Variants in PRKAG2 observed in about 807,000 individuals in gnomAD.
The protein encoded by PRKAG2 is 5'-AMP-activated protein kinase subunit gamma-2.
PRKAG2 carries 26 observed loss-of-function variants against 69.6 expected under a neutral mutation model. That is an observed-to-expected ratio of 0.37 (90% CI 0.27 to 0.52). The LOEUF is 0.52. PRKAG2 is among the 20% of genes least tolerant of loss of function. The pLI is 0.90. For missense variants in PRKAG2, 557 were observed against 740.0 expected (o/e 0.75, Z 2.87); for synonymous variants, 293 against 285.0 (o/e 1.03, Z -0.28).
intron 3 of PRKAG2, among the ~76,000 whole-genome samples, chr7:151,730,217 C>T (rs931840667): frequency 3.9e-5 from 6 of 152,246 alleles, no homozygotes; most frequent in East Asian, 1.9e-4. Flanking sequence ...CGTGTGGCCC[C>T]GAGGGTGCAT....
Position 151,675,632 on chromosome 7 carries a change from C to G in PRKAG2, c.472G>C (p.Gly158Arg), listed in dbSNP as rs727504512. The change falls in exon 4 of 16, where the codon GGC becomes CGC. Residue 158 changes from glycine to arginine, a missense_variant. Transcript: ENST00000287878. Reference sequence around the variant, plus strand: ...GGTGTTGACGGAGAGGAGGAGAGGCCGGAGGCTGCAGAAGAAACACCAAGG... The same window carrying G: ...GGTGTTGACGGAGAGGAGGAGAGGCGGGAGGCTGCAGAAGAAACACCAAGG... ...RFFSRSRKTS[G>R]LSSSPSTPTQ... The G allele has an allele frequency of 1.2e-6, 2 of 1,612,888 alleles. No individual in the cohort carries two copies. Among genetic ancestry groups the G allele is most frequent in the Non-Finnish European group, 1.7e-6 (2 of 1,179,028 alleles).
intron 11 of PRKAG2, 22 bp downstream of exon 11, chr7:151,568,694 A>G: frequency 6.2e-7 from 1 of 1,612,176 alleles, no homozygotes; most frequent in Non-Finnish European, 8.5e-7. Context: ...TTATGTCTTT[A>G]GAAACGCTAA....
At chr7:151,760,283 C>T (rs2075337338) in intron 3 of PRKAG2, among the ~76,000 whole-genome samples, 1 of 152,160 alleles carries the variant, frequency 6.6e-6, no homozygotes, top group Admixed American at 6.5e-5. Flanking sequence ...TGTTCCCAGG[C>T]TAGAGTGCAA....
intron 3 of PRKAG2, among the ~76,000 whole-genome samples, chr7:151,733,861 A>G (rs1358833275): frequency 6.6e-6 from 1 of 151,866 alleles, no homozygotes; most frequent in East Asian, 1.9e-4. Flanking sequence ...ATGCCTGGCT[A>G]ATTTTTTATT....
At chr7:151,700,738 G>A (rs987058986) in intron 3 of PRKAG2, among the ~76,000 whole-genome samples, 3 of 142,690 alleles carry the variant, frequency 2.1e-5, no homozygotes, top group East Asian at 1.9e-4. Context: ...AGAAGCTGAC[G>A]GTAGCTTCCA....
At chr7:151,574,828 AC>A in intron 8 of PRKAG2, 62 bp downstream of exon 8, 1 of 1,609,186 alleles carries the variant, frequency 6.2e-7, no homozygotes. Flanking sequence ...ACACACATAT[AC>A]CTACACACAT....
At chr7:151,694,752 T>C (rs1476735318) in intron 3 of PRKAG2, among the ~76,000 whole-genome samples, 2 of 152,268 alleles carry the variant, frequency 1.3e-5, no homozygotes, top group Non-Finnish European at 2.9e-5. Context: ...AAGAGATCGC[T>C]GCCCCTCCTA....
chr7:151,663,257 T>A (rs1445297442), intron 4 of PRKAG2, among the ~76,000 whole-genome samples: 1 of 152,194 alleles, frequency 6.6e-6, no homozygotes, highest in Non-Finnish European at 1.5e-5. Flanking sequence ...TTTATGTTAC[T>A]CCAAATCTCC....
chr7:151,671,989 G>A (rs1832109769), intron 4 of PRKAG2, among the ~76,000 whole-genome samples: 1 of 151,902 alleles, frequency 6.6e-6, no homozygotes. Flanking sequence ...TTTGGTTTAT[G>A]GTGATAAATA....
intron 6 of PRKAG2, 141 bp from the exon 7 acceptor site, chr7:151,576,593 T>C (rs1808993477): frequency 2.8e-6 from 2 of 710,674 alleles, no homozygotes; most frequent in African/African-American, 3.6e-5. Flanking sequence ...CTCTGCTTCC[T>C]GGGCTCAATT....
chr7:151,802,962 A>AT (rs536103411), intron 1 of PRKAG2, among the ~76,000 whole-genome samples: 60 of 131,564 alleles, frequency 4.6e-4, no homozygotes, highest in Middle Eastern at 4.0e-3. Flanking sequence ...ATATATATAT[A>AT]TTTTTTTTTT....
At chr7:151,765,594 T>C (rs2075693799) in intron 3 of PRKAG2, among the ~76,000 whole-genome samples, 1 of 152,154 alleles carries the variant, frequency 6.6e-6, no homozygotes, top group South Asian at 2.1e-4. Flanking sequence ...CACTGGGCCT[T>C]CTTTTAAGGA....
In PRKAG2 at chr7:151,572,300, C is replaced by G. The variant is rs139328613; in HGVS notation, c.1051+364G>C. On this transcript the variant is annotated intron_variant, in intron 9 of 15. Transcript: ENST00000287878. ...TTGCTTTGGTTCAAGTTAGGCATGC[C>G]TCTGATGCATTTCTTAATACCAAGG... is the stretch of plus-strand genomic sequence containing the variant. 1,286 of 169,554 alleles carry G rather than the reference C, an allele frequency of 7.6e-3. 5 individuals carry two copies. Among genetic ancestry groups the G allele is most frequent in the South Asian group, 0.015 (77 of 5,288 alleles). 10.5% of individuals were successfully genotyped at this position (169,554 alleles called of 1,614,324 possible). A position where few individuals can be genotyped will look rare whatever the true frequency, so the allele number is the denominator to read the frequency against.
intron 5 of PRKAG2, among the ~76,000 whole-genome samples, chr7:151,618,779 A>T (rs1032499859): frequency 2.0e-5 from 3 of 152,224 alleles, no homozygotes; most frequent in African/African-American, 7.2e-5. Context: ...AATAAAATAA[A>T]ATAAAAACCC....
chr7:151,708,292 T>A (rs1238660610), intron 3 of PRKAG2, among the ~76,000 whole-genome samples: 1 of 152,162 alleles, frequency 6.6e-6, no homozygotes, highest in African/African-American at 2.4e-5. Context: ...AAAGGCCGCA[T>A]TAGTGAACTC....
At chr7:151,726,402 G>GCA (rs150006055) in intron 3 of PRKAG2, among the ~76,000 whole-genome samples, 29,942 of 101,674 alleles carry the variant, frequency 0.29, 3,144 homozygotes, top group South Asian at 0.51. Context: ...ACACACACAC[G>GCA]CACACACACA....
intron 3 of PRKAG2, among the ~76,000 whole-genome samples, chr7:151,763,371 C>T (rs762792986): frequency 6.1e-4 from 93 of 152,222 alleles, no homozygotes; most frequent in Admixed American, 2.0e-3. Flanking sequence ...TGGGAAGTGA[C>T]GCCTGTCCTC....
Position 151,709,380 on chromosome 7 carries a change from GA to G in PRKAG2, c.467-33744del, listed in dbSNP as rs1416385050. On this transcript the variant is annotated intron_variant, in intron 3 of 15. Transcript: ENST00000287878. Reference sequence around the variant, plus strand: ...TGTGTGACATTGATGTATACTATATGACAGTGACATTGAGTGATGTGATATT... The same window carrying G: ...TGTGTGACATTGATGTATACTATATGCAGTGACATTGAGTGATGTGATATT... Among the ~76,000 whole-genome samples, 3 of 152,280 alleles carry G rather than the reference GA, an allele frequency of 2.0e-5. No individual in the cohort carries two copies. In the East Asian group the frequency reaches 5.8e-4, roughly 29 times the overall value.
At position 151,740,297 on chromosome 7, in the gene PRKAG2, G is replaced by T. The variant is rs542528806; in HGVS notation, c.466+40855C>A. On this transcript the variant is annotated intron_variant, in intron 3 of 15. Coordinates refer to ENST00000287878, the MANE Select transcript of PRKAG2 (RefSeq NM_016203.4). ...CCTGCAGGGTTGCTCTGGCCTTGCT[G>T]TGTCATCTCCCAAGGGAAGAATTCA... Among the ~76,000 whole-genome samples, 7 of 152,320 alleles carry T rather than the reference G, an allele frequency of 4.6e-5. No homozygotes were observed. In the South Asian group the frequency reaches 1.2e-3, roughly 27 times the overall value.
Sources: gnomAD v4.1 joint callset for allele counts (sites outside exome capture counted in the v4.1 genomes callset) on GRCh38, gnomAD v4.1.1 for gene constraint, MANE v1.5 for transcripts, NCBI Gene and HGNC (gene_info 2026-07-23, HGNC 2026-07-21) for gene names.